Variants in MMAB observed in about 807,000 individuals in gnomAD.
MMAB encodes the protein metabolism of cobalamin associated B.
A neutral mutation model predicts 30.6 loss-of-function variants in MMAB; 17 were observed. The ratio of observed to expected loss-of-function variants is 0.56; its 90% CI spans 0.38 to 0.83. MMAB has a LOEUF of 0.83. Among genes scored for constraint, MMAB ranks in the 40% least tolerant of loss-of-function variants. The pLI is 0.00. For synonymous variants in MMAB, 134 were observed against 138.6 expected, an observed-to-expected ratio of 0.97 and a Z score of 0.23; for missense variants, 311 against 331.6, an observed-to-expected ratio of 0.94 and a Z score of 0.48.
Position 109,558,984 on chromosome 12 carries a change from A to T in MMAB, c.644+112T>A. The T allele has an allele frequency of 2.6e-6, 2 of 781,422 alleles. No homozygotes were observed. The highest frequency in any genetic ancestry group is 5.1e-5 in the East Asian group (2 of 39,084). The allele number at this position is 781,422 out of a possible 1,614,324, so 48.4% of individuals were successfully genotyped here. A position where few individuals can be genotyped will look rare whatever the true frequency, so the allele number is the denominator to read the frequency against. Reference sequence around the variant, plus strand: ...TTCATAAACACTAAGGGAATGAAGGAGGGGGTGCGGGAATGCTGCCCCACA... The same window carrying T: ...TTCATAAACACTAAGGGAATGAAGGTGGGGGTGCGGGAATGCTGCCCCACA... On this transcript the variant is annotated intron_variant, in intron 8 of 8. Transcript: ENST00000545712. This position sits in a 1 kb window ranked among gnomAD's most constrained non-coding sequence, Gnocchi z 4.3.
In MMAB at chr12:109,554,588, G is replaced by C. The variant is rs1883898307; in HGVS notation, c.*2440C>G. 1 of 454,024 alleles carries C rather than the reference G, an allele frequency of 2.2e-6. No individual in the cohort carries two copies. Among genetic ancestry groups the C allele is most frequent in the Non-Finnish European group, 4.4e-6 (1 of 226,800 alleles). The allele number at this position is 454,024 out of a possible 1,614,324, so 28.1% of individuals were successfully genotyped here. A position where few individuals can be genotyped will look rare whatever the true frequency, so the allele number is the denominator to read the frequency against. ...CCCCGTGTTCCCGTGCAATGGGACT[G>C]ATTGTTTCTGAGAGTTGCCAGTGGT... is the stretch of plus-strand genomic sequence containing the variant. On this transcript the variant is annotated 3_prime_UTR_variant, in exon 9 of 9. Coordinates refer to ENST00000545712, the MANE Select transcript of MMAB (RefSeq NM_052845.4).
intron 2 of MMAB, among the ~76,000 whole-genome samples, chr12:109,570,758 C>T (rs1884603545): frequency 6.6e-6 from 1 of 151,368 alleles, no homozygotes. Flanking sequence ...CCTGTTGTCC[C>T]AGATACTCAG....
Position 109,556,719 on chromosome 12 carries a change from C to T in MMAB, c.*309G>A. On this transcript the variant is annotated 3_prime_UTR_variant, in exon 9 of 9. Transcript: ENST00000545712. ...GGCTCCAGCCTTTCCAACTTTTATT[C>T]CTTTTCCGCACAGCTCCTTCTCATT... is the stretch of plus-strand genomic sequence containing the variant. The T allele has an allele frequency of 2.0e-6, 1 of 495,434 alleles. No individual in the cohort carries two copies. The highest frequency in any genetic ancestry group is 3.9e-6 in the Non-Finnish European group (1 of 254,648). 30.7% of individuals were successfully genotyped at this position (495,434 alleles called of 1,614,324 possible).
chr12:109,561,792 C>A lies in MMAB; in HGVS notation c.409G>T (p.Glu137Ter). The change falls in exon 5 of 9, where the codon GAG (glutamate) becomes TAG (stop). Residue 137 changes from glutamate to a stop codon, truncating the protein, a stop_gained. Transcript: ENST00000545712. LOFTEE classifies it high-confidence loss of function. This position sits in a 1 kb window ranked among gnomAD's most constrained non-coding sequence, Gnocchi z 5.3. ...GTTTGAGAATTACTTAAGTGAGCCT[C>A]CCGGGCCGAGGAGCATGGTGTCGCC... ...ALATPCSSAR[E>*]AHLKYTTFKA... is the part of the protein sequence containing the mutation. 1 of 1,608,788 alleles carries A rather than the reference C, an allele frequency of 6.2e-7. No homozygotes were observed. Among genetic ancestry groups the A allele is most frequent in the East Asian group, 2.2e-5 (1 of 44,726 alleles).
chr12:109,565,090 C>T (rs909355144), intron 4 of MMAB, 29 bp downstream of exon 4: 14 of 1,601,310 alleles, frequency 8.7e-6, no homozygotes, highest in Admixed American at 3.3e-5. Context: ...GCTGAAGATT[C>T]CCAGCTTGGG....
chr12:109,571,120 C>T lies in MMAB; in HGVS notation c.196+529G>A, dbSNP rs189080968. ...ACTATTCTACACACACCTGAACACA[C>T]ATATATGTACATGCTTATCCAGACA... On this transcript the variant is annotated intron_variant, in intron 2 of 8. Coordinates refer to ENST00000545712, the MANE Select transcript of MMAB (RefSeq NM_052845.4). 9.7e-4 allele frequency among the ~76,000 whole-genome samples: 147 copies of T among 152,300 alleles called. 1 individual carries two copies. The highest frequency in any genetic ancestry group is 3.4e-3 in the African/African-American group (141 of 41,566).
chr12:109,557,112 T>C lies in MMAB; in HGVS notation c.669A>G (p.Leu223=), dbSNP rs747111492. Residue 223 remains leucine, a synonymous_variant, in exon 9 of 9, where the codon CTA becomes CTG. Transcript: ENST00000545712. ...LNRLSDYLFT[L]ARYAAMKEGN... ...CCTCCTTCATGGCTGCATATCTGGCTAGCGTGAAGAGATAGTCACTGAGTC... is the reference window on the plus strand; with the variant it reads ...CCTCCTTCATGGCTGCATATCTGGCCAGCGTGAAGAGATAGTCACTGAGTC... 6.2e-7 allele frequency: 1 copy of C among 1,613,576 alleles called. No individual in the cohort carries two copies. Among genetic ancestry groups the C allele is most frequent in the Non-Finnish European group, 8.5e-7 (1 of 1,179,416 alleles).
In MMAB at chr12:109,559,115, C is replaced by G; in HGVS notation, c.625G>C (p.Val209Leu). The change falls in exon 8 of 9, where the codon GTG (valine) becomes CTG (leucine). Residue 209 changes from valine to leucine, a missense_variant. Transcript: ENST00000545712. ...GAGTACCTGTTTAAGAACTTGGCCA[C>G]GTTCGCATCGGTCTCTCCCATCTGG... ...LVQMGETDANVAKFLNRLSDY... is the reference protein window; with the variant it reads ...LVQMGETDANLAKFLNRLSDY... 2.5e-6 allele frequency: 4 copies of G among 1,613,864 alleles called. No individual in the cohort carries two copies. The highest frequency in any genetic ancestry group is 3.4e-6 in the Non-Finnish European group (4 of 1,179,874).
chr12:109,563,943 C>G (rs1383477107), intron 4 of MMAB, among the ~76,000 whole-genome samples: 1 of 152,202 alleles, frequency 6.6e-6, no homozygotes. Context: ...GACCCTGTCT[C>G]CGTGCTTGAA....
intron 8 of MMAB, among the ~76,000 whole-genome samples, chr12:109,557,590 G>C (rs1014746211): frequency 6.6e-6 from 1 of 152,240 alleles, no homozygotes; most frequent in African/African-American, 2.4e-5. Flanking sequence ...TGCAGGTCTA[G>C]TTCCTGCCCT....
At position 109,561,927 on chromosome 12, in the gene MMAB, C is replaced by T. The variant is rs1884228440; in HGVS notation, c.349-75G>A. ...ACAGAGACAATGTGCAGAGGCGCCA[C>T]CTAATACGCCGGCAAAGCCTGTGCC... On this transcript the variant is annotated intron_variant, in intron 4 of 8. Coordinates refer to ENST00000545712, the MANE Select transcript of MMAB (RefSeq NM_052845.4). The surrounding 1 kb of genome is among the most constrained non-coding windows in gnomAD (Gnocchi z 5.3). The T allele has an allele frequency of 1.5e-6, 2 of 1,342,482 alleles. No homozygotes were observed. The highest frequency in any genetic ancestry group is 2.1e-6 in the Non-Finnish European group (2 of 958,256). The allele number at this position is 1,342,482 out of a possible 1,614,324, so 83.2% of individuals were successfully genotyped here.
rs1883972169 is a variant in MMAB, at chr12:109,556,411, T to C, written c.*617A>G. ...TGCACCCCCATCACACACACTTCAA[T>C]CTAAGCCAGGAGTTTCTGAGCCTCG... On this transcript the variant is annotated 3_prime_UTR_variant, in exon 9 of 9. Coordinates refer to ENST00000545712, the MANE Select transcript of MMAB (RefSeq NM_052845.4). The C allele has an allele frequency of 4.4e-6, 2 of 454,058 alleles. No homozygotes were observed. Among genetic ancestry groups the C allele is most frequent in the East Asian group, 1.4e-4 (2 of 14,392 alleles). 28.1% of individuals were successfully genotyped at this position (454,058 alleles called of 1,614,324 possible).
rs67432283 is a variant in MMAB, at chr12:109,556,023, T to C, written c.*1005A>G. 27,374 of 453,960 alleles carry C rather than the reference T, an allele frequency of 0.06. 1,043 individuals are homozygous for C. Among genetic ancestry groups the C allele is most frequent in the Middle Eastern group, 0.089 (129 of 1,444 alleles). The allele number at this position is 453,960 out of a possible 1,614,324, so 28.1% of individuals were successfully genotyped here. ...CCCTTCCAAAGTCATTTCCTGCAAT[T>C]AGCAGCCTGCAGTCTTTAGGTTCTT... On this transcript the variant is annotated 3_prime_UTR_variant, in exon 9 of 9. Coordinates refer to ENST00000545712, the MANE Select transcript of MMAB (RefSeq NM_052845.4).
At position 109,553,907 on chromosome 12, in the gene MMAB, C is replaced by T. The variant is rs1178594076; in HGVS notation, c.*3121G>A. 2 of 453,916 alleles carry T rather than the reference C, an allele frequency of 4.4e-6. No homozygotes were observed. Among genetic ancestry groups the T allele is most frequent in the South Asian group, 1.6e-5 (1 of 64,464 alleles). 28.1% of individuals were successfully genotyped at this position (453,916 alleles called of 1,614,324 possible). On this transcript the variant is annotated 3_prime_UTR_variant, in exon 9 of 9. Coordinates refer to ENST00000545712, the MANE Select transcript of MMAB (RefSeq NM_052845.4). ...CTGACGGGGGCTTCCGAACTGGGGA[C>T]GTTTGTCATTGGGATGTGTTACAAG...
intron 3 of MMAB, among the ~76,000 whole-genome samples, chr12:109,567,532 T>TG (rs1884477983): frequency 6.6e-6 from 1 of 152,178 alleles, no homozygotes; most frequent in African/African-American, 2.4e-5. Flanking sequence ...TGCTCCTGCT[T>TG]GCAAATATTT....
In MMAB at chr12:109,556,137, G is replaced by T. The variant is rs877709; in HGVS notation, c.*891C>A. 0.24 allele frequency: 110,644 copies of T among 452,868 alleles called. 14,164 individuals are homozygous for T. The highest frequency in any genetic ancestry group is 0.29 in the Middle Eastern group (415 of 1,442). The allele number at this position is 452,868 out of a possible 1,614,324, so 28.1% of individuals were successfully genotyped here. On this transcript the variant is annotated 3_prime_UTR_variant, in exon 9 of 9. Coordinates refer to ENST00000545712, the MANE Select transcript of MMAB (RefSeq NM_052845.4). The stretch of plus-strand genomic sequence containing the variant: ...TGTCGTTTCATAGCAGGAGGGAGCA[G>T]CAGTGACAACTGAAATAAATACAGC...
At chr12:109,564,711 A>G in intron 4 of MMAB, 1 of 307,210 alleles carries the variant, frequency 3.3e-6, no homozygotes, top group Non-Finnish European at 6.3e-6. Flanking sequence ...CAGGGTCTCA[A>G]TCTCTTGCCC....
chr12:109,563,021 G>A (rs1884270272), intron 4 of MMAB, among the ~76,000 whole-genome samples: 1 of 152,224 alleles, frequency 6.6e-6, no homozygotes, highest in Non-Finnish European at 1.5e-5. Flanking sequence ...TGGCCACTGT[G>A]ACAGCATTCA....
At chr12:109,560,349 C>T (rs1884149565) in intron 7 of MMAB, among the ~76,000 whole-genome samples, 2 of 152,162 alleles carry the variant, frequency 1.3e-5, no homozygotes, top group South Asian at 4.1e-4. Flanking sequence ...CAGAGGCCAC[C>T]ACCACCTCTC....
Sources: gnomAD v4.1 joint callset for allele counts (sites outside exome capture counted in the v4.1 genomes callset) on GRCh38, gnomAD v4.1.1 for gene constraint, Gnocchi (gnomAD v3.1) non-coding constraint, MANE v1.5 for transcripts, NCBI Gene and HGNC (gene_info 2026-07-23, HGNC 2026-07-21) for gene names.